Variants in PKNOX2 observed in about 807,000 individuals in gnomAD.
PKNOX2 encodes PBX/knotted 1 homeobox 2.
PKNOX2 carries 14 observed loss-of-function variants against 53.1 expected under a neutral mutation model. The observed-to-expected ratio is 0.26, with a 90% CI of 0.17 to 0.41. PKNOX2 has a LOEUF of 0.41. Ranked by LOEUF, PKNOX2 falls within the 10% of genes least tolerant of loss-of-function variation. The pLI is 1.00. For missense variants in PKNOX2, 496 were observed against 602.8 expected (o/e 0.82, Z 1.85); for synonymous variants, 257 against 242.8 (o/e 1.06, Z -0.54).
chr11:125,409,499 G>C (rs1955354245), intron 7 of PKNOX2, among the ~76,000 whole-genome samples: 2 of 152,134 alleles, frequency 1.3e-5, no homozygotes, highest in South Asian at 4.2e-4. Context: ...GACACCCTTA[G>C]AAGACAGGTT....
intron 2 of PKNOX2, among the ~76,000 whole-genome samples, chr11:125,271,571 C>T (rs1273410357): frequency 6.6e-6 from 1 of 152,256 alleles, no homozygotes; most frequent in Non-Finnish European, 1.5e-5. Flanking sequence ...TGTATCAGAG[C>T]ACTCTGCTCA....
chr11:125,169,339 A>G (rs1047410886), intron 1 of PKNOX2, among the ~76,000 whole-genome samples: 3 of 152,238 alleles, frequency 2.0e-5, no homozygotes, highest in Non-Finnish European at 4.4e-5. Context: ...ACTGAGAAGC[A>G]GAATTTAGAG....
At chr11:125,208,473 C>T (rs1228682830) in intron 1 of PKNOX2, among the ~76,000 whole-genome samples, 2 of 152,002 alleles carry the variant, frequency 1.3e-5, no homozygotes, top group African/African-American at 4.8e-5. Flanking sequence ...CTTGCAGACA[C>T]TAATGTGTAA....
chr11:125,279,677 G>C (rs2135842476), intron 2 of PKNOX2, among the ~76,000 whole-genome samples: 1 of 152,304 alleles, frequency 6.6e-6, no homozygotes, highest in African/African-American at 2.4e-5. Context: ...TAGGCCAACA[G>C]CCAGGTACCC....
chr11:125,312,207 C>A (rs570505450), intron 2 of PKNOX2, among the ~76,000 whole-genome samples: 18 of 152,058 alleles, frequency 1.2e-4, no homozygotes, highest in Admixed American at 3.3e-4. Flanking sequence ...GTGCTGTGTG[C>A]GGGTAAGAAG....
chr11:125,327,038 T>C (rs1219649538), intron 2 of PKNOX2, among the ~76,000 whole-genome samples: 1 of 152,212 alleles, frequency 6.6e-6, no homozygotes, highest in African/African-American at 2.4e-5. Context: ...CAGATGCTTT[T>C]TTAGGCTCTT....
intron 1 of PKNOX2, among the ~76,000 whole-genome samples, chr11:125,209,877 C>T (rs1158944394): frequency 3.3e-5 from 5 of 152,070 alleles, no homozygotes; most frequent in African/African-American, 9.7e-5. Context: ...CCCTCACCTC[C>T]ACCTGGTCTC....
At chr11:125,252,297 G>T (rs1489026065) in intron 2 of PKNOX2, among the ~76,000 whole-genome samples, 1 of 152,196 alleles carries the variant, frequency 6.6e-6, no homozygotes, top group Admixed American at 6.5e-5. Flanking sequence ...AGGCTGTGGG[G>T]AAAGCTGGGG....
At chr11:125,389,446 CT>C (rs979964111) in intron 6 of PKNOX2, among the ~76,000 whole-genome samples, 1 of 152,162 alleles carries the variant, frequency 6.6e-6, no homozygotes, top group African/African-American at 2.4e-5. Flanking sequence ...ACGCGGGTGG[CT>C]TTCCACCCTC....
At chr11:125,413,785 G>A (rs778211421) in intron 10 of PKNOX2, among the ~76,000 whole-genome samples, 1 of 152,082 alleles carries the variant, frequency 6.6e-6, no homozygotes, top group South Asian at 2.1e-4. Context: ...ACCCCCATGC[G>A]TTTTTGAAGA....
chr11:125,358,549 T>C (rs1159829606), intron 4 of PKNOX2, among the ~76,000 whole-genome samples: 3 of 152,214 alleles, frequency 2.0e-5, no homozygotes, highest in African/African-American at 4.8e-5. Flanking sequence ...TTAAAATTAA[T>C]TAACTAACTG....
intron 2 of PKNOX2, among the ~76,000 whole-genome samples, chr11:125,324,733 T>C (rs1949733223): frequency 6.6e-6 from 1 of 152,200 alleles, no homozygotes; most frequent in African/African-American, 2.4e-5. Context: ...TAGCTCACTC[T>C]ATCTGGTGGC....
At chr11:125,411,669 C>T (rs756942021) in intron 9 of PKNOX2, 77 bp from the exon 10 acceptor site, 90 of 1,608,720 alleles carry the variant, frequency 5.6e-5, no homozygotes, top group South Asian at 6.6e-5. Context: ...CCAAGCCTGC[C>T]GTCGCTATGG....
chr11:125,350,389 G>A (rs1951229825), intron 3 of PKNOX2, among the ~76,000 whole-genome samples: 1 of 152,080 alleles, frequency 6.6e-6, no homozygotes, highest in Non-Finnish European at 1.5e-5. Context: ...GAATCTGGAG[G>A]TGCTGCTTCC....
chr11:125,340,777 C>T (rs781707922), intron 3 of PKNOX2, among the ~76,000 whole-genome samples: 38 of 152,276 alleles, frequency 2.5e-4, no homozygotes, highest in Middle Eastern at 3.4e-3. Flanking sequence ...CCAGGCCAGG[C>T]GCGGTGGCTC....
intron 2 of PKNOX2, among the ~76,000 whole-genome samples, chr11:125,311,405 C>T (rs759124631): frequency 2.6e-5 from 4 of 152,220 alleles, no homozygotes; most frequent in African/African-American, 7.2e-5. Context: ...GAATTGTCCC[C>T]GCCTTAGACA....
At chr11:125,393,776 A>T (rs1954224076) in intron 6 of PKNOX2, among the ~76,000 whole-genome samples, 1 of 152,054 alleles carries the variant, frequency 6.6e-6, no homozygotes, top group South Asian at 2.1e-4. Flanking sequence ...GGAAATCCTA[A>T]ACTTTGATGT....
At chr11:125,340,361 C>A (rs1206704021) in intron 3 of PKNOX2, among the ~76,000 whole-genome samples, 2 of 152,216 alleles carry the variant, frequency 1.3e-5, no homozygotes, top group African/African-American at 4.8e-5. Flanking sequence ...ACCTTTTCTG[C>A]ACTTCTCCAG....
chr11:125,236,611 C>T (rs143084503), intron 2 of PKNOX2, among the ~76,000 whole-genome samples: 1,663 of 152,304 alleles, frequency 0.011, 39 homozygotes, highest in African/African-American at 0.037. Flanking sequence ...CAGGAAAGCT[C>T]CCTGGCAGGG....
Sources: gnomAD v4.1 joint callset for allele counts (sites outside exome capture counted in the v4.1 genomes callset) on GRCh38, gnomAD v4.1.1 for gene constraint, MANE v1.5 for transcripts, NCBI Gene and HGNC (gene_info 2026-07-23, HGNC 2026-07-21) for gene names.